The following FGF9 variants were observed in gnomAD, a reference collection of about 807,000 sequenced individuals.
The protein encoded by FGF9 is fibroblast growth factor 9 (glia-activating factor).
Under a neutral mutation model 19.9 loss-of-function variants are expected in FGF9, and 3 were observed. The ratio of observed to expected loss-of-function variants is 0.15; its 90% confidence interval spans 0.07 to 0.39. The LOEUF (loss-of-function observed/expected upper bound fraction) is 0.39. Ranked by LOEUF, FGF9 falls within the 10% of genes least tolerant of loss-of-function variation. FGF9 has a pLI of 1.00. For missense variants in FGF9, 175 were observed against 256.8 expected (o/e 0.68, Z 2.18); for synonymous variants, 107 against 106.9 (o/e 1.00, Z -0.01).
At chr13:21,678,072 A>T (rs1871955909) in intron 1 of FGF9, among the ~76,000 whole-genome samples, 1 of 152,114 alleles carries the variant, frequency 6.6e-6, no homozygotes, top group Admixed American at 6.5e-5. Context: ...GGGTAATAGG[A>T]CCTAGGCTAT....
rs571122707 is a variant in FGF9, at chr13:21,672,705, T to C, written c.277+516T>C. On this transcript the variant is annotated intron_variant, in intron 1 of 2. Coordinates refer to ENST00000382353, the MANE Select transcript of FGF9 (RefSeq NM_002010.3). The surrounding 1 kb of genome is among the most constrained non-coding windows in gnomAD (Gnocchi z 4.2). Reference sequence around the variant, plus strand: ...CCCCTGTGAGGGTCTGAAAGCCCCATAGGCGAAGGTTGCTGACGGATTGTC... The same window carrying C: ...CCCCTGTGAGGGTCTGAAAGCCCCACAGGCGAAGGTTGCTGACGGATTGTC... Among the ~76,000 whole-genome samples the C allele has an allele frequency of 6.2e-4, 94 of 152,332 alleles. No individual in the cohort carries two copies. Among genetic ancestry groups the C allele is most frequent in the African/African-American group, 2.2e-3 (91 of 41,588 alleles).
rs145192470 is a variant in FGF9, at chr13:21,696,646, T to G, written c.382-4544T>G. Among the ~76,000 whole-genome samples, 484 of 152,316 alleles carry G rather than the reference T, an allele frequency of 3.2e-3. 6 individuals are homozygous for G. The highest frequency in any genetic ancestry group is 0.011 in the African/African-American group (466 of 41,568). On this transcript the variant is annotated intron_variant, in intron 2 of 2. Coordinates refer to ENST00000382353, the MANE Select transcript of FGF9 (RefSeq NM_002010.3). ...CCTACCCCTTCCCTTCATCCGCACATCTATATAAGAATACAGGTTAATATT... is the reference window on the plus strand; with the variant it reads ...CCTACCCCTTCCCTTCATCCGCACAGCTATATAAGAATACAGGTTAATATT...
chr13:21,698,514 G>T (rs1337281886), intron 2 of FGF9, among the ~76,000 whole-genome samples: 2 of 152,188 alleles, frequency 1.3e-5, no homozygotes, highest in African/African-American at 4.8e-5. Context: ...AGAGGTGAGA[G>T]AACCAGTTGT....
At chr13:21,674,578 G>A (rs1871860433) in intron 1 of FGF9, among the ~76,000 whole-genome samples, 1 of 152,010 alleles carries the variant, frequency 6.6e-6, no homozygotes, top group African/African-American at 2.4e-5. Context: ...GTTTTATTGT[G>A]TGGATCAGCC....
intron 2 of FGF9, among the ~76,000 whole-genome samples, chr13:21,685,804 A>G (rs988743796): frequency 1.3e-5 from 2 of 152,180 alleles, no homozygotes; most frequent in African/African-American, 4.8e-5. Flanking sequence ...AGCATTTAAA[A>G]TGGGTCTTGA....
At chr13:21,692,700 G>C (rs1426256372) in intron 2 of FGF9, among the ~76,000 whole-genome samples, 3 of 152,200 alleles carry the variant, frequency 2.0e-5, no homozygotes, top group Non-Finnish European at 2.9e-5. Context: ...GTGTGGGGGT[G>C]ACAGAAATGC....
At chr13:21,689,914 C>T (rs1872247930) in intron 2 of FGF9, among the ~76,000 whole-genome samples, 1 of 152,226 alleles carries the variant, frequency 6.6e-6, no homozygotes, top group African/African-American at 2.4e-5. Flanking sequence ...CTTCTTCCAC[C>T]TCCTGGCCTC....
chr13:21,683,651 G>C (rs1872093095), intron 2 of FGF9, among the ~76,000 whole-genome samples: 2 of 152,324 alleles, frequency 1.3e-5, no homozygotes, highest in African/African-American at 4.8e-5. Flanking sequence ...GTGTGTGCTT[G>C]AGAAGCACAC....
intron 2 of FGF9, among the ~76,000 whole-genome samples, chr13:21,689,765 C>T (rs1257965817): frequency 6.6e-6 from 1 of 152,184 alleles, no homozygotes; most frequent in Admixed American, 6.5e-5. Context: ...GTGCTGACTC[C>T]TGCTTCCCCT....
intron 1 of FGF9, chr13:21,674,187 T>C (rs1350710704): frequency 6.5e-6 from 1 of 153,112 alleles, no homozygotes; most frequent in East Asian, 1.9e-4. Context: ...GGAGAGTTGG[T>C]GGCGGGGACA....
intron 2 of FGF9, among the ~76,000 whole-genome samples, chr13:21,697,055 A>C (rs1419300187): frequency 6.6e-6 from 1 of 152,228 alleles, no homozygotes; most frequent in Non-Finnish European, 1.5e-5. Flanking sequence ...ATCTCATTTA[A>C]CTTGTTGACT....
intron 1 of FGF9, among the ~76,000 whole-genome samples, chr13:21,678,379 G>C (rs1871963897): frequency 6.6e-6 from 1 of 152,118 alleles, no homozygotes; most frequent in Non-Finnish European, 1.5e-5. Flanking sequence ...CCAGTTGCTT[G>C]GGGGCTAATT....
chr13:21,690,005 G>A (rs1434447508), intron 2 of FGF9, among the ~76,000 whole-genome samples: 1 of 152,156 alleles, frequency 6.6e-6, no homozygotes, highest in Non-Finnish European at 1.5e-5. Flanking sequence ...ATGGAACCCT[G>A]GAGAACCCCT....
chr13:21,690,624 A>G (rs1488395063), intron 2 of FGF9, among the ~76,000 whole-genome samples: 1 of 152,150 alleles, frequency 6.6e-6, no homozygotes, highest in Non-Finnish European at 1.5e-5. Flanking sequence ...TACTTACTAA[A>G]ACTTGCTTGT....
chr13:21,696,135 T>C (rs1311159647), intron 2 of FGF9, among the ~76,000 whole-genome samples: 1 of 152,238 alleles, frequency 6.6e-6, no homozygotes, highest in Non-Finnish European at 1.5e-5. Flanking sequence ...TATTTTTAAA[T>C]AGTGTCAGTA....
At position 21,671,878 on chromosome 13, in the gene FGF9, T is replaced by A; in HGVS notation, c.-35T>A. On this transcript the variant is annotated 5_prime_UTR_variant, in exon 1 of 3. Coordinates refer to ENST00000382353, the MANE Select transcript of FGF9 (RefSeq NM_002010.3). ...TCTCCTGGGTTGACACCATCATTAT[T>A]GTTTATTCTTGTGCTCCAAAAGCCG... 1 of 1,613,852 alleles carries A rather than the reference T, an allele frequency of 6.2e-7. No homozygotes were observed. The highest frequency in any genetic ancestry group is 8.5e-7 in the Non-Finnish European group (1 of 1,179,738).
chr13:21,703,485 A>G lies in FGF9; in HGVS notation c.*2050A>G, dbSNP rs1044431327. ...AAATAGTTGATTTATGATAAAGCTCAGAATGTCCTCTTCATTTATTTTCTT... is the reference window on the plus strand; with the variant it reads ...AAATAGTTGATTTATGATAAAGCTCGGAATGTCCTCTTCATTTATTTTCTT... On this transcript the variant is annotated 3_prime_UTR_variant, in exon 3 of 3. Coordinates refer to ENST00000382353, the MANE Select transcript of FGF9 (RefSeq NM_002010.3). The G allele has an allele frequency of 6.6e-6, 1 of 152,266 alleles. No homozygotes were observed. The highest frequency in any genetic ancestry group is 6.5e-5 in the Admixed American group (1 of 15,284). The allele number at this position is 152,266 out of a possible 1,614,324, so 9.4% of individuals were successfully genotyped here.
intron 1 of FGF9, among the ~76,000 whole-genome samples, chr13:21,676,361 C>T (rs929799992): frequency 5.3e-5 from 8 of 152,070 alleles, no homozygotes; most frequent in Non-Finnish European, 1.0e-4. Flanking sequence ...TTTTTTTAAA[C>T]AGGTGTTTAA....
At chr13:21,688,229 G>T (rs999357493) in intron 2 of FGF9, among the ~76,000 whole-genome samples, 1 of 152,222 alleles carries the variant, frequency 6.6e-6, no homozygotes, top group Non-Finnish European at 1.5e-5. Context: ...GTTCAGTTCC[G>T]ATTGCTTTGA....
Sources: allele counts gnomAD v4.1 joint callset (sites outside exome capture counted in the v4.1 genomes callset), GRCh38; gene constraint gnomAD v4.1.1; non-coding constraint Gnocchi (gnomAD v3.1); transcripts MANE v1.5; gene names NCBI Gene and HGNC (gene_info 2026-07-23, HGNC 2026-07-21).